Variants in LRP1B observed in about 807,000 individuals in gnomAD.
LRP1B encodes the protein LDL receptor related protein 1B.
Under a neutral mutation model 556.6 loss-of-function variants are expected in LRP1B, and 217 were observed. The ratio of observed to expected loss-of-function variants is 0.39; its 90% CI spans 0.35 to 0.44. LRP1B has a LOEUF of 0.44. Among genes scored for constraint, LRP1B ranks in the 20% least tolerant of loss-of-function variants. The pLI is 1.00. For missense variants in LRP1B, 5,053 were observed against 5,620.8 expected (o/e 0.90, Z 3.23); for synonymous variants, 2,047 against 1,865.8 (o/e 1.10, Z -2.50).
intron 2 of LRP1B, among the ~76,000 whole-genome samples, chr2:141,514,475 G>A (rs558829934): frequency 2.6e-5 from 4 of 152,214 alleles, no homozygotes; most frequent in African/African-American, 9.6e-5. Context: ...TGTCTCCTCT[G>A]TGTCTCACCT....
chr2:141,368,345 G>GA (rs1478174654), intron 3 of LRP1B, among the ~76,000 whole-genome samples: 3 of 152,120 alleles, frequency 2.0e-5, no homozygotes, highest in Non-Finnish European at 2.9e-5. Flanking sequence ...TTTGCTGGGA[G>GA]AAAAAAACAA....
chr2:142,126,203 C>G (rs143279667), intron 1 of LRP1B, among the ~76,000 whole-genome samples: 142 of 151,602 alleles, frequency 9.4e-4, no homozygotes, highest in African/African-American at 3.0e-3. Context: ...CTTGTTATAT[C>G]GAAATGTATT....
intron 1 of LRP1B, among the ~76,000 whole-genome samples, chr2:141,972,213 A>G (rs1413861190): frequency 6.6e-6 from 1 of 151,626 alleles, no homozygotes; most frequent in Non-Finnish European, 1.5e-5. Context: ...TGATTCCACC[A>G]AGATGGTTGT....
intron 7 of LRP1B, among the ~76,000 whole-genome samples, chr2:141,112,606 A>T (rs1176180196): frequency 6.6e-6 from 1 of 152,230 alleles, no homozygotes; most frequent in African/African-American, 2.4e-5. Flanking sequence ...ACAATTTATA[A>T]TAAATACAAT....
At chr2:141,551,221 G>C (rs1366160170) in intron 2 of LRP1B, among the ~76,000 whole-genome samples, 1 of 151,724 alleles carries the variant, frequency 6.6e-6, no homozygotes, top group Non-Finnish European at 1.5e-5. Context: ...TAAAATAATT[G>C]TGATAAATGA....
At chr2:141,644,784 C>A (rs866625389) in intron 2 of LRP1B, among the ~76,000 whole-genome samples, 4 of 138,232 alleles carry the variant, frequency 2.9e-5, no homozygotes, top group African/African-American at 9.0e-5. Context: ...CACACACACA[C>A]AACACACACA....
chr2:140,868,265 T>TAAA lies in LRP1B; in HGVS notation c.4170-5_4170-3dup, dbSNP rs34488899. 4.8e-4 allele frequency: 628 copies of TAAA among 1,295,010 alleles called. No individual in the cohort carries two copies. The highest frequency in any genetic ancestry group is 8.3e-4 in the South Asian group (50 of 60,156). 80.2% of individuals were successfully genotyped at this position (1,295,010 alleles called of 1,614,324 possible). A position where few individuals can be genotyped will look rare whatever the true frequency, so the allele number is the denominator to read the frequency against. On this transcript the variant is annotated splice_polypyrimidine_tract_variant and splice_region_variant and intron_variant, in intron 25 of 90. Coordinates refer to ENST00000389484, the MANE Select transcript of LRP1B (RefSeq NM_018557.3). ...TCCCAGTCTGTCCAGAAAAGAATTC[T>TAAA]AAAAAAAAAAAAAAAAAAAGAAATA...
At chr2:142,072,705 A>G (rs1705365757) in intron 1 of LRP1B, among the ~76,000 whole-genome samples, 1 of 152,000 alleles carries the variant, frequency 6.6e-6, no homozygotes, top group South Asian at 2.1e-4. Flanking sequence ...AACACCCCTG[A>G]CTTAAATGAT....
intron 1 of LRP1B, among the ~76,000 whole-genome samples, chr2:141,900,538 A>T (rs1396142696): frequency 6.6e-6 from 1 of 151,978 alleles, no homozygotes; most frequent in Non-Finnish European, 1.5e-5. Context: ...TTAACCTTGA[A>T]TTTAAAACAT....
intron 41 of LRP1B, among the ~76,000 whole-genome samples, chr2:140,605,828 C>G (rs1682848236): frequency 6.6e-6 from 1 of 151,922 alleles, no homozygotes; most frequent in Admixed American, 6.6e-5. Flanking sequence ...TAAAAATATT[C>G]AACAAACTAG....
At chr2:140,987,950 C>A (rs1309031999) in intron 17 of LRP1B, among the ~76,000 whole-genome samples, 1 of 151,986 alleles carries the variant, frequency 6.6e-6, no homozygotes, top group Non-Finnish European at 1.5e-5. Flanking sequence ...TGCCACTGTA[C>A]TCTAACTTGG....
chr2:140,761,973 T>TATGATG lies in LRP1B; in HGVS notation c.5758+7234_5758+7239dup, dbSNP rs66893232. Among the ~76,000 whole-genome samples the TATGATG allele has an allele frequency of 6.4e-3, 955 of 150,336 alleles. 5 individuals are homozygous for TATGATG. Among genetic ancestry groups the TATGATG allele is most frequent in the Non-Finnish European group, 9.0e-3 (607 of 67,580 alleles). On this transcript the variant is annotated intron_variant, in intron 35 of 90. Transcript: ENST00000389484. ...CTATGACAATCATAATGATGATAAC[T>TATGATG]ATGATGATGATGATGATGATGATGA... is the stretch of plus-strand genomic sequence containing the variant.
chr2:141,098,240 T>C (rs1700368696), intron 7 of LRP1B, among the ~76,000 whole-genome samples: 1 of 152,156 alleles, frequency 6.6e-6, no homozygotes, highest in Non-Finnish European at 1.5e-5. Context: ...GTAAAAATAC[T>C]GGTATAACAG....
chr2:142,041,196 GAGA>G (rs1466532444), intron 1 of LRP1B, among the ~76,000 whole-genome samples: 4 of 151,170 alleles, frequency 2.6e-5, no homozygotes, highest in Admixed American at 6.6e-5. Context: ...CTCCAAGTTT[GAGA>G]AGAAGATTTG....
At chr2:141,098,697 G>C (rs1396180184) in intron 7 of LRP1B, among the ~76,000 whole-genome samples, 1 of 152,154 alleles carries the variant, frequency 6.6e-6, no homozygotes, top group Non-Finnish European at 1.5e-5. Flanking sequence ...CACTCTTGTT[G>C]CCCAGGCTGG....
intron 23 of LRP1B, among the ~76,000 whole-genome samples, chr2:140,898,171 T>C (rs1310999552): frequency 1.3e-5 from 2 of 152,172 alleles, no homozygotes; most frequent in African/African-American, 2.4e-5. Context: ...CATTAGATCA[T>C]ACACTTTTTG....
intron 1 of LRP1B, among the ~76,000 whole-genome samples, chr2:142,020,133 A>G (rs1703284607): frequency 6.6e-6 from 1 of 152,174 alleles, no homozygotes; most frequent in South Asian, 2.1e-4. Context: ...AAGGGCTTAG[A>G]GTACAGGCAA....
chr2:141,540,400 C>T (rs574748315), intron 2 of LRP1B, among the ~76,000 whole-genome samples: 4 of 151,922 alleles, frequency 2.6e-5, no homozygotes, highest in Admixed American at 1.3e-4. Flanking sequence ...TTTATAAGTG[C>T]ATTGGAGTGT....
At chr2:141,599,089 G>A (rs1475163286) in intron 2 of LRP1B, among the ~76,000 whole-genome samples, 3 of 104,482 alleles carry the variant, frequency 2.9e-5, no homozygotes, top group African/African-American at 1.2e-4. Context: ...TAACTCTCCT[G>A]TCAAGTGCTC....
Sources: gnomAD v4.1 joint callset for allele counts (sites outside exome capture counted in the v4.1 genomes callset) on GRCh38, gnomAD v4.1.1 for gene constraint, MANE v1.5 for transcripts, NCBI Gene and HGNC (gene_info 2026-07-23, HGNC 2026-07-21) for gene names.